The following SHISA9 variants were observed in gnomAD, a reference collection of about 807,000 sequenced individuals.
SHISA9 encodes protein shisa-9.
SHISA9 carries 13 observed loss-of-function variants against 38.0 expected under a neutral mutation model. The ratio of observed to expected loss-of-function variants is 0.34; its 90% CI spans 0.22 to 0.54. SHISA9 has a LOEUF of 0.54. SHISA9 is among the 20% of genes least tolerant of loss of function. The pLI is 0.91. For synonymous variants in SHISA9, 275 were observed against 242.0 expected (o/e 1.14, Z -1.27); for missense variants, 538 against 575.8 (o/e 0.93, Z 0.67).
chr16:12,990,488 G>A (rs1373274317), intron 2 of SHISA9, among the ~76,000 whole-genome samples: 1 of 152,164 alleles, frequency 6.6e-6, no homozygotes, highest in Non-Finnish European at 1.5e-5. Context: ...GCATGAGATG[G>A]TATCTCACTG....
At chr16:13,187,309 G>C (rs2050834251) in intron 2 of SHISA9, among the ~76,000 whole-genome samples, 2 of 108,388 alleles carry the variant, frequency 1.8e-5, no homozygotes, top group African/African-American at 4.2e-5. Context: ...GACAGAGAAG[G>C]CTTCTTTTCT....
the SHISA9 span, among the ~76,000 whole-genome samples, chr16:13,295,100 C>A: frequency 6.6e-6 from 1 of 152,178 alleles, no homozygotes; most frequent in Non-Finnish European, 1.5e-5. Flanking sequence ...ACCAGGGAAC[C>A]TGGCTCTAGA....
At chr16:13,110,894 G>A (rs569162722) in intron 2 of SHISA9, among the ~76,000 whole-genome samples, 2 of 152,246 alleles carry the variant, frequency 1.3e-5, no homozygotes, top group South Asian at 2.1e-4. Flanking sequence ...TGGGCCTGAA[G>A]GTATTAAAAA....
At chr16:13,314,008 G>A in the SHISA9 span, among the ~76,000 whole-genome samples, 295 of 152,078 alleles carry the variant, frequency 1.9e-3, no homozygotes, top group African/African-American at 6.6e-3. Context: ...GTCAGAGGTC[G>A]TGGGATTTTG....
chr16:13,087,576 G>T (rs2073727319), intron 2 of SHISA9, among the ~76,000 whole-genome samples: 1 of 152,222 alleles, frequency 6.6e-6, no homozygotes. Flanking sequence ...CTGATGATCA[G>T]TGATGATGAG....
the SHISA9 span, among the ~76,000 whole-genome samples, chr16:13,471,115 G>A: frequency 6.6e-6 from 1 of 152,042 alleles, no homozygotes; most frequent in Admixed American, 6.6e-5. Flanking sequence ...AAAGGCTGAG[G>A]CATTTATCCA....
chr16:13,287,339 A>G, the SHISA9 span, among the ~76,000 whole-genome samples: 1 of 152,214 alleles, frequency 6.6e-6, no homozygotes, highest in Non-Finnish European at 1.5e-5. Context: ...AGATAAGTTC[A>G]TATGTCGCTT....
chr16:13,375,111 T>A, the SHISA9 span, among the ~76,000 whole-genome samples: 5 of 152,130 alleles, frequency 3.3e-5, no homozygotes, highest in Non-Finnish European at 5.9e-5. Context: ...TTTTCTCCCA[T>A]TCTGTAGGTT....
At position 13,064,147 on chromosome 16, in the gene SHISA9, G is replaced by A. The variant is rs758088393; in HGVS notation, c.692-139247G>A. On this transcript the variant is annotated intron_variant, in intron 2 of 4. Transcript: ENST00000558583. ...CTTGAACTCCTGGGCTCAAGTGATCGTCTTGTCTCAGCCTCCAGAGTGTAT... is the reference window on the plus strand; with the variant it reads ...CTTGAACTCCTGGGCTCAAGTGATCATCTTGTCTCAGCCTCCAGAGTGTAT... Among the ~76,000 whole-genome samples, 8 of 152,134 alleles carry A rather than the reference G, an allele frequency of 5.3e-5. No homozygotes were observed. The East Asian group carries it at 1.4e-3, about 26-fold the overall frequency.
chr16:13,409,708 A>G, the SHISA9 span, among the ~76,000 whole-genome samples: 4 of 152,256 alleles, frequency 2.6e-5, no homozygotes, highest in Non-Finnish European at 5.9e-5. Flanking sequence ...AAATGCCCCC[A>G]GCCTCTGCAG....
At chr16:13,394,642 G>C in the SHISA9 span, among the ~76,000 whole-genome samples, 1 of 152,078 alleles carries the variant, frequency 6.6e-6, no homozygotes, top group Non-Finnish European at 1.5e-5. Flanking sequence ...TCTTCCTTAA[G>C]GCACAGTAGG....
chr16:13,089,418 A>G (rs1290906267), intron 2 of SHISA9, among the ~76,000 whole-genome samples: 1 of 152,132 alleles, frequency 6.6e-6, no homozygotes, highest in Non-Finnish European at 1.5e-5. Context: ...TCGGCTGTGA[A>G]TCCATCTGGT....
At chr16:13,390,253 A>G in the SHISA9 span, among the ~76,000 whole-genome samples, 2 of 152,074 alleles carry the variant, frequency 1.3e-5, no homozygotes, top group Non-Finnish European at 2.9e-5. Context: ...ACATCAGAAG[A>G]TTCTTAAGTC....
the SHISA9 span, among the ~76,000 whole-genome samples, chr16:13,308,296 A>G: frequency 6.6e-6 from 1 of 151,720 alleles, no homozygotes; most frequent in Admixed American, 6.6e-5. Flanking sequence ...TGTATGAGTG[A>G]CAATGTGGAT....
the SHISA9 span, among the ~76,000 whole-genome samples, chr16:13,551,855 C>T: frequency 4.1e-4 from 63 of 152,172 alleles, 1 homozygote; most frequent in African/African-American, 1.5e-3. Flanking sequence ...GGTGAAACCC[C>T]GTCTCTACTG....
the SHISA9 span, among the ~76,000 whole-genome samples, chr16:13,548,586 G>T: frequency 1.3e-5 from 2 of 152,130 alleles, no homozygotes; most frequent in Admixed American, 1.3e-4. Flanking sequence ...ACAAACAAGT[G>T]GCTACAAATA....
intron 2 of SHISA9, among the ~76,000 whole-genome samples, chr16:13,142,133 C>T (rs999939530): frequency 1.3e-5 from 2 of 152,198 alleles, no homozygotes; most frequent in South Asian, 2.1e-4. Flanking sequence ...ATAGCCAGTT[C>T]GAGGTGGTTC....
the SHISA9 span, among the ~76,000 whole-genome samples, chr16:13,421,778 G>A: frequency 6.6e-6 from 1 of 152,190 alleles, no homozygotes; most frequent in South Asian, 2.1e-4. Context: ...CTTCTTCCAG[G>A]CCATTCTAGT....
chr16:13,080,895 G>T (rs2141935391), intron 2 of SHISA9, among the ~76,000 whole-genome samples: 1 of 152,202 alleles, frequency 6.6e-6, no homozygotes, highest in East Asian at 1.9e-4. Flanking sequence ...ATCTGGTGGG[G>T]ACTGGCTTCC....
Sources: gnomAD v4.1 joint callset for allele counts (sites outside exome capture counted in the v4.1 genomes callset) on GRCh38, gnomAD v4.1.1 for gene constraint, MANE v1.5 for transcripts, NCBI Gene and HGNC (gene_info 2026-07-23, HGNC 2026-07-21) for gene names.